Variants in ITGA9 observed in about 807,000 individuals in gnomAD.
The protein encoded by ITGA9 is integrin alpha-9.
In ITGA9, 56 loss-of-function variants were observed where a neutral mutation model predicts 127.8. That is an observed-to-expected ratio of 0.44 (90% CI 0.35 to 0.55). The LOEUF is 0.55. Among genes scored for constraint, ITGA9 ranks in the 20% least tolerant of loss-of-function variants. ITGA9 has a pLI of 0.00. For missense variants in ITGA9, 1,196 were observed against 1,347.1 expected, an observed-to-expected ratio of 0.89 and a Z score of 1.76; for synonymous variants, 508 against 514.5, an observed-to-expected ratio of 0.99 and a Z score of 0.17.
At chr3:37,539,579 C>T (rs890895367) in intron 14 of ITGA9, among the ~76,000 whole-genome samples, 1 of 152,128 alleles carries the variant, frequency 6.6e-6, no homozygotes, top group Non-Finnish European at 1.5e-5. Flanking sequence ...TAGTCTTTTT[C>T]TCTTAAAACC....
intron 23 of ITGA9, among the ~76,000 whole-genome samples, chr3:37,771,709 A>G (rs1696845849): frequency 6.6e-6 from 1 of 152,042 alleles, no homozygotes; most frequent in South Asian, 2.1e-4. Flanking sequence ...AACATTCCAG[A>G]ATGCTCTGTT....
In ITGA9 at chr3:37,710,281, T is replaced by C. The variant is rs76825096; in HGVS notation, c.2068-22431T>C. Among the ~76,000 whole-genome samples the C allele has an allele frequency of 0.013, 1,916 of 152,274 alleles. 190 individuals carry two copies. The East Asian group carries it at 0.26, about 21-fold the overall frequency. The stretch of plus-strand genomic sequence containing the variant: ...AGCTAGTAAGTAGCAGAGCTGAGAT[T>C]GGAACCCTCGTCCGTCTAATGGCAA... On this transcript the variant is annotated intron_variant, in intron 18 of 27. Coordinates refer to ENST00000264741, the MANE Select transcript of ITGA9 (RefSeq NM_002207.3).
chr3:37,499,879 A>G, intron 5 of ITGA9, among the ~76,000 whole-genome samples: 1 of 152,220 alleles, frequency 6.6e-6, no homozygotes, highest in East Asian at 1.9e-4. Flanking sequence ...TGGTAGGCAT[A>G]CATTTTTCAA....
intron 16 of ITGA9, among the ~76,000 whole-genome samples, chr3:37,638,445 T>G (rs115636232): frequency 7.7e-6 from 1 of 129,816 alleles, no homozygotes; most frequent in Non-Finnish European, 1.6e-5. Context: ...TTTTCCTGAT[T>G]ATGGGGAAAA....
intron 16 of ITGA9, among the ~76,000 whole-genome samples, chr3:37,641,273 T>C (rs903317361): frequency 6.6e-6 from 1 of 152,154 alleles, no homozygotes; most frequent in African/African-American, 2.4e-5. Context: ...GTGAGGGATC[T>C]AGATTGTGCC....
intron 22 of ITGA9, among the ~76,000 whole-genome samples, chr3:37,747,724 T>G (rs1233637275): frequency 9.2e-5 from 14 of 151,666 alleles, no homozygotes; most frequent in South Asian, 2.1e-4. Flanking sequence ...TTCTTTTTTT[T>G]TTTTGTTTTG....
chr3:37,687,800 G>A (rs1284447714), intron 18 of ITGA9, among the ~76,000 whole-genome samples: 2 of 152,148 alleles, frequency 1.3e-5, no homozygotes, highest in Non-Finnish European at 2.9e-5. Context: ...CTTCCAGTTT[G>A]GATTTCCCCA....
At chr3:37,678,560 A>AT (rs1168654822) in intron 17 of ITGA9, among the ~76,000 whole-genome samples, 3 of 152,152 alleles carry the variant, frequency 2.0e-5, no homozygotes, top group East Asian at 1.9e-4. Flanking sequence ...TGTAATGAGA[A>AT]TTTTTTTAAT....
At chr3:37,510,352 AG>A (rs1457792640) in intron 8 of ITGA9, among the ~76,000 whole-genome samples, 1 of 143,556 alleles carries the variant, frequency 7.0e-6, no homozygotes, top group Non-Finnish European at 1.6e-5. Flanking sequence ...CTTTATGTTC[AG>A]TTGTAGCTGT....
intron 18 of ITGA9, among the ~76,000 whole-genome samples, chr3:37,702,920 AGGTGGGTCACATGGTC>A (rs1365339536): frequency 1.3e-5 from 2 of 151,950 alleles, no homozygotes; most frequent in Non-Finnish European, 2.9e-5. Context: ...AGAAACCCAA[AGGTGGGTCACATGGTC>A]GCCCTGTCCC....
chr3:37,594,832 C>T (rs995251913), intron 15 of ITGA9, among the ~76,000 whole-genome samples: 5 of 152,104 alleles, frequency 3.3e-5, no homozygotes, highest in African/African-American at 9.7e-5. Context: ...CAGGCTAGAG[C>T]GCAGTAACTA....
intron 23 of ITGA9, among the ~76,000 whole-genome samples, chr3:37,769,212 C>T (rs899881745): frequency 3.3e-5 from 5 of 151,962 alleles, no homozygotes; most frequent in African/African-American, 1.2e-4. Context: ...GTGGCACACA[C>T]CCATCATCCC....
intron 17 of ITGA9, among the ~76,000 whole-genome samples, chr3:37,673,524 G>T (rs1700656511): frequency 6.6e-6 from 1 of 152,148 alleles, no homozygotes; most frequent in Non-Finnish European, 1.5e-5. Flanking sequence ...CACCGTCTTA[G>T]CTCCCTCTTG....
chr3:37,587,159 C>A (rs1321862756), intron 15 of ITGA9, among the ~76,000 whole-genome samples: 1 of 152,120 alleles, frequency 6.6e-6, no homozygotes, highest in Non-Finnish European at 1.5e-5. Context: ...AACATTCAAG[C>A]CTCAATTAAT....
Position 37,795,622 on chromosome 3 carries a change from G to A in ITGA9, c.2890-8201G>A, listed in dbSNP as rs1219311760. Among the ~76,000 whole-genome samples the A allele has an allele frequency of 2.6e-5, 4 of 152,198 alleles. No homozygotes were observed. In the East Asian group the frequency reaches 7.7e-4, roughly 29 times the overall value. ...ATTTTCGTCTGTTTTGTTAGTCAGCGTCCAGTGTGTGAGCCCTCCAGCCAG... is the reference window on the plus strand; with the variant it reads ...ATTTTCGTCTGTTTTGTTAGTCAGCATCCAGTGTGTGAGCCCTCCAGCCAG... On this transcript the variant is annotated intron_variant, in intron 26 of 27. Transcript: ENST00000264741.
At chr3:37,715,909 A>C (rs754923116) in intron 18 of ITGA9, among the ~76,000 whole-genome samples, 1 of 152,212 alleles carries the variant, frequency 6.6e-6, no homozygotes, top group Non-Finnish European at 1.5e-5. Context: ...AAATCCTGAG[A>C]TGAGACATCA....
intron 16 of ITGA9, among the ~76,000 whole-genome samples, chr3:37,645,542 C>T (rs545228143): frequency 1.2e-3 from 180 of 151,922 alleles, no homozygotes; most frequent in African/African-American, 3.6e-3. Context: ...CCAGCTTGGG[C>T]GACAGAACAA....
chr3:37,640,705 C>G lies in ITGA9; in HGVS notation c.1839+11369C>G, dbSNP rs148032221. On this transcript the variant is annotated intron_variant, in intron 16 of 27. Coordinates refer to ENST00000264741, the MANE Select transcript of ITGA9 (RefSeq NM_002207.3). The stretch of plus-strand genomic sequence containing the variant: ...AGACACACAATACAGCCCACACCTC[C>G]AGAACCCCGGGGCTTCTTTCCTCCC... 9.7e-3 allele frequency among the ~76,000 whole-genome samples: 1,471 copies of G among 152,336 alleles called. 18 individuals carry two copies. Among genetic ancestry groups the G allele is most frequent in the Non-Finnish European group, 0.013 (903 of 68,032 alleles).
At chr3:37,462,960 C>T (rs1463098900) in intron 1 of ITGA9, among the ~76,000 whole-genome samples, 1 of 152,154 alleles carries the variant, frequency 6.6e-6, no homozygotes, top group Non-Finnish European at 1.5e-5. Flanking sequence ...CTGGCACACT[C>T]CTGGGTGTGA....
Sources: allele counts gnomAD v4.1 joint callset (sites outside exome capture counted in the v4.1 genomes callset), GRCh38; gene constraint gnomAD v4.1.1; transcripts MANE v1.5; gene names NCBI Gene and HGNC (gene_info 2026-07-23, HGNC 2026-07-21).